Variants in CEP63 observed in about 807,000 individuals in gnomAD.
CEP63 encodes centrosomal protein 63.
In CEP63, 84 loss-of-function variants were observed where a neutral mutation model predicts 89.1. The ratio of observed to expected loss-of-function variants is 0.94; its 90% CI spans 0.79 to 1.13. CEP63 has a LOEUF of 1.13. Ranked by LOEUF, CEP63 falls within the 50% of genes most tolerant of loss-of-function variation. The pLI is 0.00. For missense variants in CEP63, 838 were observed against 813.3 expected, an observed-to-expected ratio of 1.03 and a Z score of -0.37; for synonymous variants, 267 against 272.5, an observed-to-expected ratio of 0.98 and a Z score of 0.20.
At chr3:134,610,251 C>T in the CEP63 span, 2 of 1,613,954 alleles carry the variant, frequency 1.2e-6, no homozygotes, top group Non-Finnish European at 1.7e-6. Flanking sequence ...AGGTGCTGTC[C>T]ACCAGGTGCC....
chr3:134,743,217 G>A, the CEP63 span, among the ~76,000 whole-genome samples: 2 of 152,172 alleles, frequency 1.3e-5, no homozygotes, highest in Non-Finnish European at 2.9e-5. Flanking sequence ...GCTTATGTGT[G>A]AGTAATAAAG....
chr3:134,487,775 C>T (rs1229727801), intron 1 of CEP63, among the ~76,000 whole-genome samples: 1 of 152,180 alleles, frequency 6.6e-6, no homozygotes, highest in African/African-American at 2.4e-5. Context: ...AGTCAGATAA[C>T]GATTTCTTCA....
Position 134,563,054 on chromosome 3 carries a change from C to G in CEP63, c.*1519C>G, listed in dbSNP as rs927980177. ...TTATGCGATGTCTTCACTTGGATAT[C>G]TGACAAACATCTTGTTTCCAAGAGA... is the stretch of plus-strand genomic sequence containing the variant. On this transcript the variant is annotated 3_prime_UTR_variant, in exon 15 of 15. Transcript: ENST00000675561. 2.0e-5 allele frequency: 3 copies of G among 152,274 alleles called. No individual in the cohort carries two copies. Among genetic ancestry groups the G allele is most frequent in the Non-Finnish European group, 4.4e-5 (3 of 68,076 alleles). 9.4% of individuals were successfully genotyped at this position (152,274 alleles called of 1,614,324 possible). A position where few individuals can be genotyped will look rare whatever the true frequency, so the allele number is the denominator to read the frequency against.
intron 12 of CEP63, chr3:134,552,223 G>A (rs1266975534): frequency 2.5e-5 from 9 of 363,004 alleles, no homozygotes; most frequent in Admixed American, 2.2e-4. Flanking sequence ...GTTTTTTTGA[G>A]ACGGGGTTTC....
chr3:134,538,533 G>GTGTATATATA (rs1553770392), intron 6 of CEP63, among the ~76,000 whole-genome samples: 1 of 101,372 alleles, frequency 9.9e-6, no homozygotes, highest in East Asian at 4.1e-4. Context: ...GTGTGTGTGT[G>GTGTATATATA]TATATATATA....
chr3:134,665,150 A>G, the CEP63 span, among the ~76,000 whole-genome samples: 2 of 152,154 alleles, frequency 1.3e-5, no homozygotes, highest in Non-Finnish European at 2.9e-5. Flanking sequence ...TCTTCTCCCC[A>G]TCTCCTGATA....
intron 2 of CEP63, 28 bp from the exon 3 acceptor site, chr3:134,507,081 T>G: frequency 1.2e-6 from 2 of 1,600,628 alleles, no homozygotes; most frequent in Non-Finnish European, 1.7e-6. Context: ...TATCTTCTGT[T>G]TTTTTAATGA....
the CEP63 span, chr3:134,608,852 C>G: frequency 3.8e-6 from 6 of 1,599,742 alleles, no homozygotes; most frequent in Non-Finnish European, 5.1e-6. Flanking sequence ...GGAGCAGAGA[C>G]AAGCTGGTTA....
the CEP63 span, among the ~76,000 whole-genome samples, chr3:134,642,031 C>A: frequency 6.6e-6 from 1 of 152,160 alleles, no homozygotes; most frequent in Non-Finnish European, 1.5e-5. Context: ...GGGCTGGTGG[C>A]AGGTCCTGCT....
chr3:134,494,450 CG>C (rs1449088006), intron 1 of CEP63, among the ~76,000 whole-genome samples: 1 of 152,066 alleles, frequency 6.6e-6, no homozygotes, highest in Admixed American at 6.6e-5. Context: ...TTCTATCTCC[CG>C]TTCCCTCTTT....
At chr3:134,594,942 C>T in the CEP63 span, among the ~76,000 whole-genome samples, 3 of 152,204 alleles carry the variant, frequency 2.0e-5, no homozygotes, top group Non-Finnish European at 4.4e-5. Flanking sequence ...TGGAATCCTC[C>T]TGGAGCTCAG....
the CEP63 span, among the ~76,000 whole-genome samples, chr3:134,697,699 G>C: frequency 1.3e-5 from 2 of 152,214 alleles, no homozygotes; most frequent in African/African-American, 4.8e-5. Flanking sequence ...CGGCAGATTT[G>C]CTTCTTTCAG....
the CEP63 span, among the ~76,000 whole-genome samples, chr3:134,732,018 A>C: frequency 1.3e-5 from 2 of 152,188 alleles, no homozygotes; most frequent in East Asian, 3.8e-4. Flanking sequence ...TTAGATAATC[A>C]GATAAATAGA....
chr3:134,627,809 C>A, the CEP63 span: 10 of 1,612,830 alleles, frequency 6.2e-6, no homozygotes, highest in Non-Finnish European at 8.5e-6. Flanking sequence ...ATTTTTATCA[C>A]CTTGTAAACC....
chr3:134,733,836 T>C, the CEP63 span, among the ~76,000 whole-genome samples: 1 of 152,220 alleles, frequency 6.6e-6, no homozygotes, highest in African/African-American at 2.4e-5. Context: ...GCCACCCAGA[T>C]TGTGGTACTT....
downstream of CEP63, among the ~76,000 whole-genome samples, chr3:134,566,067 A>G (rs1957744148): frequency 6.6e-6 from 1 of 152,140 alleles, no homozygotes; most frequent in South Asian, 2.1e-4. Flanking sequence ...CTTTAAACCA[A>G]TCTTTTGTAA....
the CEP63 span, among the ~76,000 whole-genome samples, chr3:134,707,739 C>CTTTTTTTTTT: frequency 2.2e-4 from 27 of 120,400 alleles, no homozygotes; most frequent in Non-Finnish European, 3.3e-4. Context: ...TGATTCTTTT[C>CTTTTTTTTTT]TTTTTTTTTT....
chr3:134,717,770 T>C, the CEP63 span, among the ~76,000 whole-genome samples: 3 of 152,242 alleles, frequency 2.0e-5, no homozygotes, highest in Admixed American at 6.5e-5. Context: ...ATGAAGACCA[T>C]AGAGACAATA....
At chr3:134,489,485 A>G (rs919261003) in intron 1 of CEP63, among the ~76,000 whole-genome samples, 2 of 152,152 alleles carry the variant, frequency 1.3e-5, no homozygotes, top group African/African-American at 4.8e-5. Flanking sequence ...TTAACATTAA[A>G]CATTATATTG....
Sources: gnomAD v4.1 joint callset for allele counts (sites outside exome capture counted in the v4.1 genomes callset) on GRCh38, gnomAD v4.1.1 for gene constraint, MANE v1.5 for transcripts, NCBI Gene and HGNC (gene_info 2026-07-23, HGNC 2026-07-21) for gene names.